Variants in TAOK3 observed in about 807,000 individuals in gnomAD.
TAOK3 encodes the protein serine/threonine-protein kinase TAO3.
TAOK3 carries 40 observed loss-of-function variants against 120.4 expected under a neutral mutation model. That is an observed-to-expected ratio of 0.33 (90% CI 0.26 to 0.43). The LOEUF is 0.43. Among genes scored for constraint, TAOK3 ranks in the 20% least tolerant of loss-of-function variants. The pLI, the probability that TAOK3 is intolerant of heterozygous loss-of-function variation, is 1.00. For synonymous variants in TAOK3, 355 were observed against 387.5 expected, an observed-to-expected ratio of 0.92 and a Z score of 0.99; for missense variants, 821 against 1,112.1, an observed-to-expected ratio of 0.74 and a Z score of 3.72.
At chr12:118,234,276 T>A (rs1206060624) in intron 8 of TAOK3, among the ~76,000 whole-genome samples, 1 of 133,470 alleles carries the variant, frequency 7.5e-6, no homozygotes, top group Non-Finnish European at 1.6e-5. Context: ...TCGCCCAGGC[T>A]GGACTGCAGT....
intron 1 of TAOK3, among the ~76,000 whole-genome samples, chr12:118,303,784 A>C (rs2042956593): frequency 6.6e-6 from 1 of 152,088 alleles, no homozygotes; most frequent in Non-Finnish European, 1.5e-5. Context: ...AGTAGCTGGG[A>C]TTACAGGCAC....
chr12:118,160,090 G>T lies in TAOK3; in HGVS notation c.2352+56C>A. 2 of 1,379,666 alleles carry T rather than the reference G, an allele frequency of 1.4e-6. No homozygotes were observed. Among genetic ancestry groups the T allele is most frequent in the Non-Finnish European group, 2.1e-6 (2 of 969,116 alleles). The allele number at this position is 1,379,666 out of a possible 1,614,324, so 85.5% of individuals were successfully genotyped here. The stretch of plus-strand genomic sequence containing the variant: ...TCTTGGGAACAACAGGCTGGATCTT[G>T]GATTTTCTTGATTCCCAAAGCTCTC... On this transcript the variant is annotated intron_variant, in intron 19 of 20. Transcript: ENST00000392533. The surrounding 1 kb of genome is among the most constrained non-coding windows in gnomAD (Gnocchi z 4.2).
intron 11 of TAOK3, among the ~76,000 whole-genome samples, chr12:118,212,553 ACC>A (rs2038684825): frequency 6.6e-6 from 1 of 152,202 alleles, no homozygotes; most frequent in Non-Finnish European, 1.5e-5. Context: ...TGTTTGAACC[ACC>A]AGCCAGCTCT....
At chr12:118,198,001 T>C (rs534915484) in intron 13 of TAOK3, among the ~76,000 whole-genome samples, 2 of 152,236 alleles carry the variant, frequency 1.3e-5, no homozygotes, top group South Asian at 4.1e-4. Context: ...CACTTGCCCA[T>C]GTTGAAAGGA....
rs1048496066 is a variant in TAOK3, at chr12:118,161,394, G to A, written c.2139+394C>T. Among the ~76,000 whole-genome samples the A allele has an allele frequency of 2.0e-5, 3 of 152,174 alleles. No individual in the cohort carries two copies. The highest frequency in any genetic ancestry group is 7.2e-5 in the African/African-American group (3 of 41,438). Reference sequence around the variant, plus strand: ...AATAAATGACACTCTTTCCTCCTAAGCTTGGATGTGGCTTTAGAGTCTTTC... The same window carrying A: ...AATAAATGACACTCTTTCCTCCTAAACTTGGATGTGGCTTTAGAGTCTTTC... On this transcript the variant is annotated intron_variant, in intron 18 of 20. Coordinates refer to ENST00000392533, the MANE Select transcript of TAOK3 (RefSeq NM_016281.4). The surrounding 1 kb of genome is among the most constrained non-coding windows in gnomAD (Gnocchi z 4.5).
intron 1 of TAOK3, among the ~76,000 whole-genome samples, chr12:118,282,709 C>T (rs1417554692): frequency 2.6e-5 from 4 of 152,142 alleles, no homozygotes; most frequent in Admixed American, 6.6e-5. Flanking sequence ...CATCATCATT[C>T]GATTCTGCTC....
At chr12:118,210,397 C>T (rs138309754) in intron 11 of TAOK3, among the ~76,000 whole-genome samples, 5 of 152,290 alleles carry the variant, frequency 3.3e-5, no homozygotes, top group African/African-American at 1.2e-4. Context: ...ACTCTGCAAA[C>T]ACTGTTCTAT....
intron 17 of TAOK3, among the ~76,000 whole-genome samples, chr12:118,163,187 AG>A (rs1390363496): frequency 6.6e-6 from 1 of 152,202 alleles, no homozygotes; most frequent in Non-Finnish European, 1.5e-5. Context: ...TGCTGCTATG[AG>A]GGCTGAGGAT....
chr12:118,323,313 C>A (rs970085886), intron 1 of TAOK3, among the ~76,000 whole-genome samples: 1 of 151,942 alleles, frequency 6.6e-6, no homozygotes, highest in Non-Finnish European at 1.5e-5. Flanking sequence ...ATATATGTTG[C>A]CTCTAAAATC....
Position 118,177,313 on chromosome 12 carries a change from G to T in TAOK3, c.1583C>A (p.Ala528Glu). The T allele has an allele frequency of 6.2e-7, 1 of 1,613,470 alleles. No homozygotes were observed. The highest frequency in any genetic ancestry group is 8.5e-7 in the Non-Finnish European group (1 of 1,179,902). ...IIEKEAKVAA[A>E]DEKKFQQQIL... ...CTGTTGCTGGAACTTCTTCTCATCT[G>T]CTGCAGCTACCTTTGCCTGATAAAA... The change falls in exon 16 of 21, where the codon GCA (alanine) becomes GAA (glutamate). Residue 528 changes from alanine to glutamate, a missense_variant. Ala to Glu is a moderately radical substitution (Grantham distance 107). This residue lies in a region of TAOK3 where 354 missense variants were observed against 572.1 expected (regional missense o/e 0.62). Coordinates refer to ENST00000392533, the MANE Select transcript of TAOK3 (RefSeq NM_016281.4).
intron 1 of TAOK3, among the ~76,000 whole-genome samples, chr12:118,320,167 T>C (rs1203817312): frequency 3.3e-5 from 5 of 151,580 alleles, no homozygotes; most frequent in African/African-American, 9.7e-5. Context: ...GACAGAAAAA[T>C]AGATAAGGGC....
intron 17 of TAOK3, among the ~76,000 whole-genome samples, chr12:118,164,429 A>G (rs975710422): frequency 6.6e-6 from 1 of 151,900 alleles, no homozygotes; most frequent in African/African-American, 2.4e-5. Context: ...TATTTATTAA[A>G]TTTTTGAGAC....
chr12:118,219,185 C>T (rs933401429), intron 9 of TAOK3, among the ~76,000 whole-genome samples: 23 of 152,146 alleles, frequency 1.5e-4, no homozygotes, highest in Admixed American at 1.4e-3. Context: ...GTGTTTTTCA[C>T]AAATGCTGTT....
chr12:118,151,806 AT>A (rs1289201582), intron 20 of TAOK3, among the ~76,000 whole-genome samples: 4 of 151,896 alleles, frequency 2.6e-5, no homozygotes, highest in African/African-American at 7.2e-5. Context: ...CATCATTTTA[AT>A]TTTTTTTTAA....
In TAOK3 at chr12:118,287,485, C is replaced by T. The variant is rs115941353; in HGVS notation, c.-193-20726G>A. Among the ~76,000 whole-genome samples the T allele has an allele frequency of 8.5e-3, 1,295 of 152,088 alleles. 11 individuals are homozygous for T. Among genetic ancestry groups the T allele is most frequent in the African/African-American group, 0.029 (1,188 of 41,502 alleles). On this transcript the variant is annotated intron_variant, in intron 1 of 20. Coordinates refer to ENST00000392533, the MANE Select transcript of TAOK3 (RefSeq NM_016281.4). ...CTAGGCTGGTCACGAACTGAATTTC[C>T]GATCAAAAAACACTTGCCAGTTGGG...
At chr12:118,217,037 T>C (rs1346243857) in intron 9 of TAOK3, among the ~76,000 whole-genome samples, 1 of 152,210 alleles carries the variant, frequency 6.6e-6, no homozygotes, top group Non-Finnish European at 1.5e-5. Context: ...TCTCACTTTC[T>C]AATTCATAAT....
Position 118,160,205 on chromosome 12 carries a change from G to C in TAOK3, c.2293C>G (p.Leu765Val). 1 of 1,614,224 alleles carries C rather than the reference G, an allele frequency of 6.2e-7. No individual in the cohort carries two copies. Among genetic ancestry groups the C allele is most frequent in the Non-Finnish European group, 8.5e-7 (1 of 1,180,046 alleles). ...TCATACTGCTCTGCCAAAATGGCAA[G>C]TTTTCTTGTCTGCTCATCTTTCAGT... ...KTLKDEQTRK[L>V]AILAEQYEQS... Residue 765 changes from leucine (L) to valine (V), a missense_variant, in exon 19 of 21, where the codon CTT (leucine) becomes GTT (valine). This residue lies in a region of TAOK3 where 354 missense variants were observed against 572.1 expected (regional missense o/e 0.62). Transcript: ENST00000392533. This position sits in a 1 kb window ranked among gnomAD's most constrained non-coding sequence, Gnocchi z 4.2.
At chr12:118,334,658 G>A (rs190217349) in intron 1 of TAOK3, among the ~76,000 whole-genome samples, 1 of 151,670 alleles carries the variant, frequency 6.6e-6, no homozygotes, top group East Asian at 1.9e-4. Context: ...GGCAGATCAT[G>A]AGGTCAGAAG....
chr12:118,235,727 AG>A, intron 7 of TAOK3, 56 bp from the exon 8 acceptor site: 1 of 1,108,234 alleles, frequency 9.0e-7, no homozygotes, highest in Non-Finnish European at 1.3e-6. Context: ...ATTATGGAAT[AG>A]GTCAGAGCAT....
Sources: gnomAD v4.1 joint callset for allele counts (sites outside exome capture counted in the v4.1 genomes callset) on GRCh38, gnomAD v4.1.1 for gene constraint, gnomAD v4.1.1 regional missense constraint, Gnocchi (gnomAD v3.1) non-coding constraint, MANE v1.5 for transcripts, NCBI Gene and HGNC (gene_info 2026-07-23, HGNC 2026-07-21) for gene names.